Variants in PTPN13 observed in about 807,000 individuals in gnomAD.
PTPN13 encodes tyrosine-protein phosphatase non-receptor type 13.
A neutral mutation model predicts 284.0 loss-of-function variants in PTPN13; 191 were observed. The observed-to-expected ratio is 0.67, with a 90% confidence interval of 0.60 to 0.76. PTPN13 has a LOEUF of 0.76. Among genes scored for constraint, PTPN13 ranks in the 30% least tolerant of loss-of-function variants. PTPN13 has a pLI of 0.00. For missense variants in PTPN13, 2,797 were observed against 2,939.9 expected (o/e 0.95, Z 1.12); for synonymous variants, 986 against 1,022.3 (o/e 0.96, Z 0.68).
chr4:86,783,653 A>G (rs891146753), intron 37 of PTPN13, among the ~76,000 whole-genome samples: 4 of 152,004 alleles, frequency 2.6e-5, no homozygotes, highest in African/African-American at 9.7e-5. Flanking sequence ...TATTACCACT[A>G]TTTATTTTTT....
intron 1 of PTPN13, among the ~76,000 whole-genome samples, chr4:86,601,264 C>T (rs1027182122): frequency 2.6e-5 from 4 of 151,674 alleles, no homozygotes; most frequent in African/African-American, 9.7e-5. Context: ...GTTCGGTTAT[C>T]AAATCTACAC....
Position 86,722,378 on chromosome 4 carries a change from A to C in PTPN13, c.1552A>C (p.Arg518=). 1 of 1,613,856 alleles carries C rather than the reference A, an allele frequency of 6.2e-7. No homozygotes were observed. The highest frequency in any genetic ancestry group is 8.5e-7 in the Non-Finnish European group (1 of 1,179,812). Residue 518 remains arginine (R), a synonymous_variant, in exon 10 of 48, where the codon AGG becomes CGG. Transcript: ENST00000411767. ...TIKASMLDIT[R]DPLREIALET... is the part of the protein sequence containing the mutation. ...CAAAGCGTCCATGCTTGACATCACCAGGGATCCGTTAAGAGAAATTGCCCT... is the reference window on the plus strand; with the variant it reads ...CAAAGCGTCCATGCTTGACATCACCCGGGATCCGTTAAGAGAAATTGCCCT...
At chr4:86,796,960 T>C (rs746795496) in intron 41 of PTPN13, 31 bp downstream of exon 41, 6 of 1,284,934 alleles carry the variant, frequency 4.7e-6, no homozygotes, top group East Asian at 2.5e-5. Context: ...GTATCCATAA[T>C]GCTTCTGTCT....
At chr4:86,680,334 CCTTT>C (rs1284418709) in intron 3 of PTPN13, among the ~76,000 whole-genome samples, 4 of 149,700 alleles carry the variant, frequency 2.7e-5, no homozygotes, top group African/African-American at 9.8e-5. Context: ...GTCACATTTT[CCTTT>C]CTATCTATCT....
rs1739975371 is a variant in PTPN13 at position 86,771,336 on chromosome 4, G to A, written c.4969G>A (p.Gly1657Arg). 1.3e-6 allele frequency: 2 copies of A among 1,595,114 alleles called. No homozygotes were observed. The highest frequency in any genetic ancestry group is 1.7e-6 in the Non-Finnish European group (2 of 1,170,594). ...AAGAGACAGTTACAGTGACAGCAGTGGGAGTGGAGAAGATGACTTAGTGAC... is the reference window on the plus strand; with the variant it reads ...AAGAGACAGTTACAGTGACAGCAGTAGGAGTGGAGAAGATGACTTAGTGAC... Reference protein sequence around the residue: ...SRRDSYSDSSGSGEDDLVTAP... With the variant: ...SRRDSYSDSSRSGEDDLVTAP... Residue 1657 changes from glycine to arginine, a missense_variant, in exon 31 of 48, where the codon GGG becomes AGG. Physicochemically the swap from Gly to Arg is moderately radical, Grantham distance 125. Coordinates refer to ENST00000411767, the MANE Select transcript of PTPN13 (RefSeq NM_080683.3).
chr4:86,649,818 G>GA (rs1724871893), intron 2 of PTPN13, among the ~76,000 whole-genome samples: 1 of 152,086 alleles, frequency 6.6e-6, no homozygotes, highest in African/African-American at 2.4e-5. Context: ...CTTTAGACAT[G>GA]CGTCATGTCT....
At chr4:86,762,049 T>C (rs572815437) in intron 23 of PTPN13, among the ~76,000 whole-genome samples, 1 of 152,154 alleles carries the variant, frequency 6.6e-6, no homozygotes, top group Admixed American at 6.5e-5. Context: ...CACTGCTCAC[T>C]GCAGGCTCCG....
At chr4:86,688,416 G>A (rs1729660350) in intron 4 of PTPN13, among the ~76,000 whole-genome samples, 1 of 151,418 alleles carries the variant, frequency 6.6e-6, no homozygotes, top group African/African-American at 2.4e-5. Context: ...AATGACATTG[G>A]CCACCCTTTC....
At chr4:86,618,601 A>C (rs1291733572) in intron 1 of PTPN13, among the ~76,000 whole-genome samples, 3 of 152,082 alleles carry the variant, frequency 2.0e-5, no homozygotes, top group East Asian at 1.9e-4. Context: ...CTTTTATTTC[A>C]TTGGGCAGTG....
intron 27 of PTPN13, 99 bp from the exon 28 acceptor site, chr4:86,767,718 T>C (rs563185215): frequency 2.0e-6 from 2 of 979,394 alleles, no homozygotes; most frequent in South Asian, 3.2e-5. Flanking sequence ...TGGTAGTTAC[T>C]TTAAATGATT....
intron 3 of PTPN13, among the ~76,000 whole-genome samples, chr4:86,685,822 A>G (rs1193590190): frequency 2.0e-5 from 3 of 152,238 alleles, no homozygotes; most frequent in African/African-American, 7.2e-5. Context: ...GACAATATAT[A>G]TAAAAACTGC....
At chr4:86,756,310 T>C (rs1737964410) in intron 20 of PTPN13, among the ~76,000 whole-genome samples, 2 of 152,056 alleles carry the variant, frequency 1.3e-5, no homozygotes, top group Non-Finnish European at 2.9e-5. Flanking sequence ...CTGTGTTGTT[T>C]TGTATTTGTT....
intron 1 of PTPN13, among the ~76,000 whole-genome samples, chr4:86,606,171 C>A (rs1271484541): frequency 2.0e-5 from 3 of 151,770 alleles, no homozygotes; most frequent in Non-Finnish European, 1.5e-5. Context: ...TTTTTTAGAA[C>A]AAGCGCCAAC....
intron 31 of PTPN13, 99 bp downstream of exon 31, chr4:86,771,634 G>A (rs1243699051): frequency 7.0e-6 from 9 of 1,289,754 alleles, no homozygotes; most frequent in Non-Finnish European, 8.4e-6. Flanking sequence ...GTATGTATCT[G>A]TGACCTTCAC....
In PTPN13 at chr4:86,785,924, G is replaced by A; in HGVS notation, c.6333G>A (p.Glu2111=). 1 of 1,544,706 alleles carries A rather than the reference G, an allele frequency of 6.5e-7. No homozygotes were observed. Among genetic ancestry groups the A allele is most frequent in the Non-Finnish European group, 8.8e-7 (1 of 1,140,688 alleles). The part of the protein sequence containing the change: ...DTDCDGSPLP[E]YFTEATKMNG... ...ACTGCGATGGTTCACCTTTACCTGA[G>A]TATTTTACTGAGGTAACAATAATAC... Residue 2111 remains glutamate, a synonymous_variant, in exon 40 of 48, where the codon GAG becomes GAA. Coordinates refer to ENST00000411767, the MANE Select transcript of PTPN13 (RefSeq NM_080683.3).
intron 7 of PTPN13, among the ~76,000 whole-genome samples, chr4:86,706,280 C>G (rs1429227998): frequency 6.6e-6 from 1 of 152,142 alleles, no homozygotes; most frequent in Non-Finnish European, 1.5e-5. Context: ...ACTCTGCTGT[C>G]CTGATTTAAA....
chr4:86,632,500 T>A (rs1722576417), intron 1 of PTPN13, among the ~76,000 whole-genome samples: 1 of 152,184 alleles, frequency 6.6e-6, no homozygotes, highest in Non-Finnish European at 1.5e-5. Context: ...AATCCTTCAC[T>A]GGAACTACAC....
intron 17 of PTPN13, among the ~76,000 whole-genome samples, chr4:86,747,581 CAGT>C (rs920339764): frequency 3.4e-4 from 43 of 127,788 alleles, no homozygotes; most frequent in Middle Eastern, 7.5e-3. Context: ...GCAGCAGCAG[CAGT>C]AGTAGTAGTA....
chr4:86,800,192 A>G (rs914174557), intron 42 of PTPN13, among the ~76,000 whole-genome samples: 8 of 152,124 alleles, frequency 5.3e-5, no homozygotes, highest in African/African-American at 1.2e-4. Flanking sequence ...TCGGGAATCA[A>G]TTGGTCTGTT....
Sources: gnomAD v4.1 joint callset for allele counts (sites outside exome capture counted in the v4.1 genomes callset) on GRCh38, gnomAD v4.1.1 for gene constraint, MANE v1.5 for transcripts, NCBI Gene and HGNC (gene_info 2026-07-23, HGNC 2026-07-21) for gene names.